KANSL3: variants seen among roughly 807,000 people sequenced by gnomAD.
KANSL3 encodes the protein KAT8 regulatory NSL complex subunit 3.
KANSL3 carries 16 observed loss-of-function variants against 89.2 expected under a neutral mutation model. That is an observed-to-expected ratio of 0.18 (90% CI 0.12 to 0.27). KANSL3 has a LOEUF of 0.27. Among genes scored for constraint, KANSL3 ranks in the 10% least tolerant of loss-of-function variants. KANSL3 has a pLI of 1.00. For missense variants in KANSL3, 879 were observed against 1,110.6 expected, an observed-to-expected ratio of 0.79 and a Z score of 2.96; for synonymous variants, 385 against 419.7, an observed-to-expected ratio of 0.92 and a Z score of 1.01.
intron 17 of KANSL3, chr2:96,603,487 T>C (rs1032249316): frequency 6.6e-6 from 1 of 152,596 alleles, no homozygotes; most frequent in African/African-American, 2.4e-5. Context: ...TTTCACCATA[T>C]TGGCCAGGCT....
downstream of KANSL3, among the ~76,000 whole-genome samples, chr2:96,591,775 AG>A: frequency 6.6e-6 from 1 of 152,150 alleles, no homozygotes. Context: ...CCATCCATAA[AG>A]GGTTCTGCAG....
At chr2:96,633,827 T>C (rs2073867098) in intron 2 of KANSL3, among the ~76,000 whole-genome samples, 1 of 152,144 alleles carries the variant, frequency 6.6e-6, no homozygotes, top group African/African-American at 2.4e-5. Flanking sequence ...ATTGCACCAC[T>C]GCACTCCAGC....
chr2:96,599,823 T>TA (rs1465655123), intron 20 of KANSL3: 7 of 181,952 alleles, frequency 3.8e-5, no homozygotes, highest in African/African-American at 1.7e-4. Context: ...CCCAGATTAA[T>TA]AAAGTTAAAA....
the KANSL3 span, among the ~76,000 whole-genome samples, chr2:96,582,214 C>A: frequency 6.6e-6 from 1 of 151,992 alleles, no homozygotes; most frequent in African/African-American, 2.4e-5. Flanking sequence ...AATGGTAAGG[C>A]TGGTGAAACC....
chr2:96,612,976 G>A, intron 6 of KANSL3, 42 bp from the exon 7 acceptor site: 1 of 1,338,724 alleles, frequency 7.5e-7, no homozygotes, highest in Middle Eastern at 1.8e-4. Context: ...TGAGTGAGAA[G>A]TGTCCTTTCA....
chr2:96,609,950 CAAAAA>C (rs35175492), intron 11 of KANSL3, among the ~76,000 whole-genome samples: 3 of 21,612 alleles, frequency 1.4e-4, no homozygotes, highest in African/African-American at 2.1e-4. Flanking sequence ...GGCGCCACCT[CAAAAA>C]AAAAAAAAAA....
At chr2:96,609,372 G>T in intron 12 of KANSL3, 127 bp downstream of exon 12, 1 of 802,982 alleles carries the variant, frequency 1.2e-6, no homozygotes, top group Non-Finnish European at 2.1e-6. Context: ...CTTTGCTTAT[G>T]ACTGAGACCT....
intron 20 of KANSL3, among the ~76,000 whole-genome samples, chr2:96,596,485 TTGAGGC>T (rs2066549904): frequency 6.6e-6 from 1 of 152,070 alleles, no homozygotes; most frequent in Non-Finnish European, 1.5e-5. Flanking sequence ...GCCCAAGAGG[TTGAGGC>T]TGCAGTGAGC....
Position 96,608,682 on chromosome 2 carries a change from G to A in KANSL3, c.1585-18C>T. The A allele has an allele frequency of 1.2e-6, 2 of 1,614,002 alleles. No individual in the cohort carries two copies. Among genetic ancestry groups the A allele is most frequent in the Non-Finnish European group, 1.7e-6 (2 of 1,179,864 alleles). ...GAGAGATCCTGAGTAAGGTGAGAAG[G>A]TCAAGAGATGAGACAATGTTACTAG... On this transcript the variant is annotated intron_variant, in intron 13 of 20. Transcript: ENST00000431828.
intron 14 of KANSL3, chr2:96,607,077 C>CAA (rs2068089158): frequency 8.1e-7 from 1 of 1,240,274 alleles, no homozygotes; most frequent in African/African-American, 1.5e-5. Flanking sequence ...ATTACAGAAT[C>CAA]ACAGCCAGCC....
intron 5 of KANSL3, among the ~76,000 whole-genome samples, chr2:96,617,221 T>C (rs1470165408): frequency 6.6e-6 from 1 of 152,104 alleles, no homozygotes; most frequent in African/African-American, 2.4e-5. Context: ...TTTTCATTTG[T>C]CTCTTTCTTC....
chr2:96,604,370 A>G lies in KANSL3; in HGVS notation c.2029T>C (p.Ser677Pro), dbSNP rs773829753. 5 of 1,611,562 alleles carry G rather than the reference A, an allele frequency of 3.1e-6. No homozygotes were observed. In the East Asian group the frequency reaches 8.9e-5, roughly 29 times the overall value. ...GLLTTAKSSS[S>P]EGGVSASPVP... ...GGGCTGGCTGAGACTCCACCTTCAGAAGAACTGGACCTGGAGACAAAGGAA... is the reference window on the plus strand; with the variant it reads ...GGGCTGGCTGAGACTCCACCTTCAGGAGAACTGGACCTGGAGACAAAGGAA... Residue 677 changes from serine to proline, a missense_variant, in exon 17 of 21, where the codon TCT (serine) becomes CCT (proline). Ser to Pro is a moderately conservative substitution (Grantham distance 74, BLOSUM62 -1). Transcript: ENST00000431828.
At chr2:96,592,125 G>A (rs1208289966), downstream of KANSL3, among the ~76,000 whole-genome samples, 4 of 152,242 alleles carry the variant, frequency 2.6e-5, no homozygotes, top group Admixed American at 2.6e-4. Flanking sequence ...GCTCAAGTCA[G>A]TGAGACTAGA....
intron 3 of KANSL3, among the ~76,000 whole-genome samples, chr2:96,626,533 A>G (rs2072357078): frequency 6.6e-6 from 1 of 152,252 alleles, no homozygotes; most frequent in Non-Finnish European, 1.5e-5. Flanking sequence ...GATTTCTAAG[A>G]TAAGAAAGCC....
At chr2:96,612,727 C>G (rs2069228041) in intron 7 of KANSL3, 91 bp downstream of exon 7, 2 of 1,148,206 alleles carry the variant, frequency 1.7e-6, no homozygotes, top group Non-Finnish European at 1.3e-6. Context: ...TTCAAGTTAC[C>G]CATTTTGACC....
At position 96,604,349 on chromosome 2, in the gene KANSL3, T is replaced by C; in HGVS notation, c.2050A>G (p.Ser684Gly). 1 of 1,612,862 alleles carries C rather than the reference T, an allele frequency of 6.2e-7. No individual in the cohort carries two copies. Among genetic ancestry groups the C allele is most frequent in the Non-Finnish European group, 8.5e-7 (1 of 1,179,886 alleles). ...SSSSEGGVSA[S>G]PVPSVVSSST... ...CTGGAGACCACTGAAGGGACTGGGC[T>C]GGCTGAGACTCCACCTTCAGAAGAA... The change falls in exon 17 of 21, where the codon AGC (serine) becomes GGC (glycine). Residue 684 changes from serine (S) to glycine (G), a missense_variant. By Grantham distance (56) the Ser-to-Gly change is moderately conservative. This residue lies in a region of KANSL3 where 317 missense variants were observed against 311.2 expected (regional missense o/e 1.02). Coordinates refer to ENST00000431828, the MANE Select transcript of KANSL3 (RefSeq NM_001115016.3).
intron 20 of KANSL3, among the ~76,000 whole-genome samples, chr2:96,599,956 A>G (rs543357325): frequency 2.0e-4 from 31 of 152,326 alleles, no homozygotes; most frequent in Admixed American, 9.8e-4. Context: ...CACATCCTCT[A>G]CTTATTCTCT....
At chr2:96,609,298 C>T (rs1400464065) in intron 12 of KANSL3, among the ~76,000 whole-genome samples, 1 of 152,164 alleles carries the variant, frequency 6.6e-6, no homozygotes, top group Admixed American at 6.5e-5. Flanking sequence ...CATTCCACCA[C>T]TTTTCCAACA....
chr2:96,590,987 A>AAAAACAAAACAAAAC (rs61301801), downstream of KANSL3, among the ~76,000 whole-genome samples: 2 of 151,446 alleles, frequency 1.3e-5, no homozygotes, highest in African/African-American at 2.4e-5. Flanking sequence ...CTCCGTCTCA[A>AAAAACAAAACAAAAC]AAAACAAAAC....
Sources: allele counts gnomAD v4.1 joint callset (sites outside exome capture counted in the v4.1 genomes callset), GRCh38; gene constraint gnomAD v4.1.1; regional missense constraint gnomAD v4.1.1; transcripts MANE v1.5; gene names NCBI Gene and HGNC (gene_info 2026-07-23, HGNC 2026-07-21).